CECR2: variants seen among roughly 807,000 people sequenced by gnomAD.
CECR2 encodes the protein CECR2 histone acetyl-lysine reader, also known as chromatin remodeling regulator CECR2.
CECR2 carries 30 observed loss-of-function variants against 154.5 expected under a neutral mutation model. The ratio of observed to expected loss-of-function variants is 0.19; its 90% CI spans 0.15 to 0.26. The LOEUF is 0.26. Ranked by LOEUF, CECR2 falls within the 10% of genes least tolerant of loss-of-function variation. The pLI is 1.00. For synonymous variants in CECR2, 725 were observed against 683.7 expected, an observed-to-expected ratio of 1.06 and a Z score of -0.94; for missense variants, 1,743 against 1,829.3, an observed-to-expected ratio of 0.95 and a Z score of 0.86.
intron 1 of CECR2, among the ~76,000 whole-genome samples, chr22:17,378,014 T>C (rs547112509): frequency 8.5e-4 from 129 of 152,296 alleles, no homozygotes; most frequent in Non-Finnish European, 1.4e-3. Flanking sequence ...GACGGAGGCT[T>C]GCTCTGTTGC....
chr22:17,385,218 C>T (rs1569046740), intron 1 of CECR2, among the ~76,000 whole-genome samples: 2 of 152,156 alleles, frequency 1.3e-5, no homozygotes, highest in Non-Finnish European at 1.5e-5. Context: ...TGGAGCAGTG[C>T]TTTTTATTTC....
chr22:17,422,105 C>A (rs889705812), intron 1 of CECR2, among the ~76,000 whole-genome samples: 14 of 148,968 alleles, frequency 9.4e-5, no homozygotes, highest in African/African-American at 2.0e-4. Context: ...GTTTTTTTTT[C>A]CCCCCTCTGG....
chr22:17,497,057 G>A (rs1422856032), intron 2 of CECR2, among the ~76,000 whole-genome samples: 1 of 152,190 alleles, frequency 6.6e-6, no homozygotes, highest in African/African-American at 2.4e-5. Flanking sequence ...ACTTTGGGAA[G>A]CCAAGGCGGG....
intron 1 of CECR2, among the ~76,000 whole-genome samples, chr22:17,471,858 A>C (rs1177898001): frequency 6.6e-6 from 1 of 152,198 alleles, no homozygotes; most frequent in Non-Finnish European, 1.5e-5. Flanking sequence ...TTATGGGAGA[A>C]GACTCATGGA....
intron 2 of CECR2, among the ~76,000 whole-genome samples, chr22:17,493,754 A>G (rs113228618): frequency 3.3e-5 from 5 of 152,388 alleles, no homozygotes; most frequent in Middle Eastern, 3.4e-3. Context: ...TGTTGTCTAA[A>G]GGAGCAGCAC....
intron 1 of CECR2, among the ~76,000 whole-genome samples, chr22:17,427,081 A>C (rs1024229374): frequency 6.6e-6 from 1 of 151,770 alleles, no homozygotes; most frequent in Admixed American, 6.6e-5. Context: ...TCATTGTTCA[A>C]TTCCAACCTA....
At chr22:17,468,971 C>A (rs1223979291) in intron 1 of CECR2, among the ~76,000 whole-genome samples, 2 of 152,104 alleles carry the variant, frequency 1.3e-5, no homozygotes, top group African/African-American at 4.8e-5. Context: ...TGGCAAAACT[C>A]ACTTTCATAA....
intron 6 of CECR2, among the ~76,000 whole-genome samples, chr22:17,503,908 G>T (rs935765607): frequency 3.3e-5 from 5 of 151,856 alleles, no homozygotes; most frequent in African/African-American, 1.2e-4. Context: ...TTACCTGGGC[G>T]TGGTGGCAGG....
In CECR2 at chr22:17,542,305, G is replaced by A. The variant is rs1191664064; in HGVS notation, c.2162G>A (p.Gly721Glu). The A allele has an allele frequency of 6.2e-6, 10 of 1,612,364 alleles. No individual in the cohort carries two copies. The highest frequency in any genetic ancestry group is 8.5e-6 in the Non-Finnish European group (10 of 1,179,292). Residue 721 changes from glycine (G) to glutamate (E), a missense_variant, in exon 16 of 19, where the codon GGA becomes GAA. By Grantham distance (98) the Gly-to-Glu change is moderately conservative. Transcript: ENST00000262608. ...LGQISGPSQD[G>E]SMYAPAQFQP... The stretch of plus-strand genomic sequence containing the variant: ...CAGATAAGTGGCCCAAGTCAGGATG[G>A]AAGCATGTATGCTCCAGCTCAGTTC...
intron 16 of CECR2, among the ~76,000 whole-genome samples, chr22:17,544,236 C>CGCA (rs1484006395): frequency 6.6e-6 from 1 of 151,644 alleles, no homozygotes; most frequent in Non-Finnish European, 1.5e-5. Context: ...CGGTGGCTGA[C>CGCA]GCCTGTAATC....
At chr22:17,400,724 T>C (rs577518868) in intron 1 of CECR2, among the ~76,000 whole-genome samples, 76 of 152,254 alleles carry the variant, frequency 5.0e-4, no homozygotes, top group South Asian at 1.2e-3. Flanking sequence ...CTTGCCTGTG[T>C]ATAGTTTGTT....
intron 1 of CECR2, among the ~76,000 whole-genome samples, chr22:17,453,547 C>G (rs974808059): frequency 6.6e-6 from 1 of 152,134 alleles, no homozygotes; most frequent in Admixed American, 6.5e-5. Context: ...ATGAGGGTGT[C>G]GGTTTCCTTA....
chr22:17,388,812 T>G (rs2063295141), intron 1 of CECR2, among the ~76,000 whole-genome samples: 1 of 152,156 alleles, frequency 6.6e-6, no homozygotes, highest in African/African-American at 2.4e-5. Flanking sequence ...TTTGTTTATT[T>G]TATTTTAGTA....
At chr22:17,371,868 C>T (rs1283823164) in intron 1 of CECR2, among the ~76,000 whole-genome samples, 1 of 152,212 alleles carries the variant, frequency 6.6e-6, no homozygotes, top group Non-Finnish European at 1.5e-5. Flanking sequence ...GTACTCGCAG[C>T]ATATTTAGAG....
At chr22:17,456,072 T>A (rs1397105359) in intron 1 of CECR2, among the ~76,000 whole-genome samples, 1 of 152,208 alleles carries the variant, frequency 6.6e-6, no homozygotes, top group Non-Finnish European at 1.5e-5. Context: ...TATTTAACTA[T>A]TTAATCCCTG....
intron 1 of CECR2, among the ~76,000 whole-genome samples, chr22:17,470,200 G>A (rs2055101279): frequency 1.3e-5 from 2 of 152,002 alleles, no homozygotes; most frequent in African/African-American, 4.8e-5. Context: ...CACTTTGGGA[G>A]GCTGAGGCAG....
intron 1 of CECR2, among the ~76,000 whole-genome samples, chr22:17,405,626 T>G (rs2053971605): frequency 1.8e-5 from 2 of 112,712 alleles, no homozygotes; most frequent in East Asian, 2.4e-4. Context: ...GGCAAAAGAG[T>G]GAGACTCCAT....
chr22:17,388,838 G>T (rs1882129915), intron 1 of CECR2, among the ~76,000 whole-genome samples: 2 of 151,636 alleles, frequency 1.3e-5, no homozygotes, highest in Non-Finnish European at 2.9e-5. Flanking sequence ...TTTTGAGGTG[G>T]AGTCTCACTC....
intron 9 of CECR2, among the ~76,000 whole-genome samples, chr22:17,527,230 G>C (rs1027148236): frequency 6.6e-6 from 1 of 152,206 alleles, no homozygotes; most frequent in South Asian, 2.1e-4. Context: ...GGCCAAGGCT[G>C]GCAGATTGTT....
Sources: gnomAD v4.1 joint callset for allele counts (sites outside exome capture counted in the v4.1 genomes callset) on GRCh38, gnomAD v4.1.1 for gene constraint, MANE v1.5 for transcripts, NCBI Gene and HGNC (gene_info 2026-07-23, HGNC 2026-07-21) for gene names.